The following CALM3 variants were observed in gnomAD, a reference collection of about 807,000 sequenced individuals.
CALM3 encodes calmodulin-3.
CALM3 carries 5 observed loss-of-function variants against 20.1 expected under a neutral mutation model. That is an observed-to-expected ratio of 0.25 (90% CI 0.13 to 0.52). CALM3 has a LOEUF of 0.52. Ranked by LOEUF, CALM3 falls within the 20% of genes least tolerant of loss-of-function variation. The probability of loss-of-function intolerance (pLI) is 0.96; values close to 1 mark genes in which losing one functional copy is unlikely to be tolerated. For synonymous variants in CALM3, 69 were observed against 68.1 expected, an observed-to-expected ratio of 1.01 and a Z score of -0.06; for missense variants, 57 against 192.8, an observed-to-expected ratio of 0.30 and a Z score of 4.17.
chr19:46,607,401 G>GT (rs1460917352), intron 2 of CALM3, among the ~76,000 whole-genome samples: 1 of 152,194 alleles, frequency 6.6e-6, no homozygotes, highest in Non-Finnish European at 1.5e-5. Context: ...CCGGACATCT[G>GT]TTTTTGGAGG....
Position 46,610,182 on chromosome 19 carries a change from C to A in CALM3, c.*1029C>A, listed in dbSNP as rs1971848818. On this transcript the variant is annotated 3_prime_UTR_variant, in exon 6 of 6. Transcript: ENST00000291295. ...ACCTGCAATAAAACAGTCTTGTCGG[C>A]CAGCTGCCCAGGGGACGGCAGCTAC... 1 of 152,646 alleles carries A rather than the reference C, an allele frequency of 6.6e-6. No homozygotes were observed. The highest frequency in any genetic ancestry group is 1.5e-5 in the Non-Finnish European group (1 of 68,070). The allele number at this position is 152,646 out of a possible 1,614,324, so 9.5% of individuals were successfully genotyped here.
Position 46,610,357 on chromosome 19 carries a change from C to A in CALM3, c.*1204C>A, listed in dbSNP as rs1217930678. The A allele has an allele frequency of 1.3e-5, 2 of 152,502 alleles. No individual in the cohort carries two copies. Among genetic ancestry groups the A allele is most frequent in the East Asian group, 3.8e-4 (2 of 5,196 alleles). 9.4% of individuals were successfully genotyped at this position (152,502 alleles called of 1,614,324 possible). A position where few individuals can be genotyped will look rare whatever the true frequency, so the allele number is the denominator to read the frequency against. ...ATACTCCCCCAGCGGAGAGCATGATCCGTGCCCTTGCTTCTGACTTTCGCC... is the reference window on the plus strand; with the variant it reads ...ATACTCCCCCAGCGGAGAGCATGATACGTGCCCTTGCTTCTGACTTTCGCC... On this transcript the variant is annotated 3_prime_UTR_variant, in exon 6 of 6. Transcript: ENST00000291295.
chr19:46,608,063 C>T lies in CALM3; in HGVS notation c.35-134C>T. The stretch of plus-strand genomic sequence containing the variant: ...AGGAGAGAGAGCTGGTTGCGTGGGA[C>T]TTGAAGTCTGTCTCAGTTTCTTTAG... On this transcript the variant is annotated intron_variant, in intron 2 of 5. Transcript: ENST00000291295. This position sits in a 1 kb window ranked among gnomAD's most constrained non-coding sequence, Gnocchi z 5.5. 1.2e-6 allele frequency: 1 copy of T among 805,274 alleles called. No individual in the cohort carries two copies. Among genetic ancestry groups the T allele is most frequent in the Admixed American group, 2.3e-5 (1 of 42,644 alleles). The allele number at this position is 805,274 out of a possible 1,614,324, so 49.9% of individuals were successfully genotyped here. A position where few individuals can be genotyped will look rare whatever the true frequency, so the allele number is the denominator to read the frequency against.
In CALM3 at chr19:46,605,726, G is replaced by A. The variant is rs1224572054; in HGVS notation, c.4-101G>A. 13 of 1,156,154 alleles carry A rather than the reference G, an allele frequency of 1.1e-5. No homozygotes were observed. The highest frequency in any genetic ancestry group is 1.1e-4 in the South Asian group (9 of 80,158). The allele number at this position is 1,156,154 out of a possible 1,614,324, so 71.6% of individuals were successfully genotyped here. A position where few individuals can be genotyped will look rare whatever the true frequency, so the allele number is the denominator to read the frequency against. ...CTCCCTGGCCCGGCGGGAATGGCAC[G>A]TGGAGCTGGCCTCACTGGGGCCGAG... On this transcript the variant is annotated intron_variant, in intron 1 of 5. Transcript: ENST00000291295. The surrounding 1 kb of genome is among the most constrained non-coding windows in gnomAD (Gnocchi z 4.1).
chr19:46,601,508 GGGC>G lies in CALM3; in HGVS notation c.3+73_3+75del. The stretch of plus-strand genomic sequence containing the variant: ...GCTTAACGGGGCAGGACCCCTGAGG[GGGC>G]GACAGAGCCCAGAGTGGGGGGCGTC... On this transcript the variant is annotated intron_variant, in intron 1 of 5. Transcript: ENST00000291295. The surrounding 1 kb of genome is among the most constrained non-coding windows in gnomAD (Gnocchi z 4.2). The G allele has an allele frequency of 7.5e-7, 1 of 1,336,084 alleles. No individual in the cohort carries two copies. The highest frequency in any genetic ancestry group is 1.5e-5 in the African/African-American group (1 of 65,402). The allele number at this position is 1,336,084 out of a possible 1,614,324, so 82.8% of individuals were successfully genotyped here.
Position 46,609,488 on chromosome 19 carries a change from T to G in CALM3, c.*335T>G, listed in dbSNP as rs1311581440. The G allele has an allele frequency of 5.3e-6, 2 of 379,516 alleles. No homozygotes were observed. 23.5% of individuals were successfully genotyped at this position (379,516 alleles called of 1,614,324 possible). A position where few individuals can be genotyped will look rare whatever the true frequency, so the allele number is the denominator to read the frequency against. ...CCAGCCCGGATGGCTCTCCTCCATTTTGGTTTGTTTCCTCTTGTTTGTCAT... is the reference window on the plus strand; with the variant it reads ...CCAGCCCGGATGGCTCTCCTCCATTGTGGTTTGTTTCCTCTTGTTTGTCAT... On this transcript the variant is annotated 3_prime_UTR_variant, in exon 6 of 6. Coordinates refer to ENST00000291295, the MANE Select transcript of CALM3 (RefSeq NM_005184.4).
At position 46,605,975 on chromosome 19, in the gene CALM3, C is replaced by G; in HGVS notation, c.34+118C>G. On this transcript the variant is annotated intron_variant, in intron 2 of 5. Transcript: ENST00000291295. This position sits in a 1 kb window ranked among gnomAD's most constrained non-coding sequence, Gnocchi z 4.1. ...CCTGTGTATCCCTTGTGTCACCTAACACTATGCCTTGTGCCTAGAATGCTG... is the reference window on the plus strand; with the variant it reads ...CCTGTGTATCCCTTGTGTCACCTAAGACTATGCCTTGTGCCTAGAATGCTG... 2.3e-6 allele frequency: 2 copies of G among 887,984 alleles called. No individual in the cohort carries two copies. Among genetic ancestry groups the G allele is most frequent in the Non-Finnish European group, 3.7e-6 (2 of 536,750 alleles). 55.0% of individuals were successfully genotyped at this position (887,984 alleles called of 1,614,324 possible). A position where few individuals can be genotyped will look rare whatever the true frequency, so the allele number is the denominator to read the frequency against.
Position 46,608,452 on chromosome 19 carries a change from A to G in CALM3, c.179-30A>G. On this transcript the variant is annotated intron_variant, in intron 3 of 5. Transcript: ENST00000291295. This position sits in a 1 kb window ranked among gnomAD's most constrained non-coding sequence, Gnocchi z 5.5. ...CGTGTCTCTCAGGGCCCAGGCCAAG[A>G]GCATTCTCCATCCTTTCCCCACCTT... is the stretch of plus-strand genomic sequence containing the variant. The G allele has an allele frequency of 6.2e-7, 1 of 1,610,848 alleles. No homozygotes were observed. The highest frequency in any genetic ancestry group is 1.1e-5 in the South Asian group (1 of 91,014).
chr19:46,603,787 C>T (rs1294485060), intron 1 of CALM3, among the ~76,000 whole-genome samples: 2 of 152,190 alleles, frequency 1.3e-5, no homozygotes, highest in African/African-American at 4.8e-5. Flanking sequence ...GGAGGGAGAG[C>T]ATCTGACAGG....
At chr19:46,604,468 C>A (rs1232748665) in intron 1 of CALM3, among the ~76,000 whole-genome samples, 4 of 152,054 alleles carry the variant, frequency 2.6e-5, no homozygotes, top group African/African-American at 7.2e-5. Flanking sequence ...CTCCCTAAGC[C>A]CTCTCCCCTC....
In CALM3 at chr19:46,608,563, G is replaced by A. The variant is rs1307420144; in HGVS notation, c.260G>A (p.Arg87Gln). The change falls in exon 4 of 6, where the codon CGA (arginine) becomes CAA (glutamine). Residue 87 changes from arginine (R) to glutamine (Q), a missense_variant. By Grantham distance (43) the Arg-to-Gln change is conservative. Transcript: ENST00000291295. This position sits in a 1 kb window ranked among gnomAD's most constrained non-coding sequence, Gnocchi z 5.5. ...MKDTDSEEEI[R>Q]EAFRVFDKDG... ...GACACAGACAGTGAGGAGGAGATCC[G>A]AGAGGCGTTCCGTGTCTTTGACAAG... The A allele has an allele frequency of 1.9e-6, 3 of 1,613,856 alleles. No individual in the cohort carries two copies. The highest frequency in any genetic ancestry group is 2.5e-6 in the Non-Finnish European group (3 of 1,179,852).
At position 46,605,847 on chromosome 19, in the gene CALM3, G is replaced by C. The variant is rs1001080500; in HGVS notation, c.24G>C (p.Glu8Asp). ...TACAGGCTGACCAGCTGACTGAGGAGCAGATTGCAGGTGAGTCTGCTATCC... is the reference window on the plus strand; with the variant it reads ...TACAGGCTGACCAGCTGACTGAGGACCAGATTGCAGGTGAGTCTGCTATCC... MADQLTE[E>D]QIAEFKEAFS... is the part of the protein sequence containing the mutation. The change falls in exon 2 of 6, where the codon GAG becomes GAC. Residue 8 changes from glutamate to aspartate, a missense_variant. Coordinates refer to ENST00000291295, the MANE Select transcript of CALM3 (RefSeq NM_005184.4). The surrounding 1 kb of genome is among the most constrained non-coding windows in gnomAD (Gnocchi z 4.1). 1 of 1,614,128 alleles carries C rather than the reference G, an allele frequency of 6.2e-7. No individual in the cohort carries two copies. Among genetic ancestry groups the C allele is most frequent in the Non-Finnish European group, 8.5e-7 (1 of 1,179,982 alleles).
At position 46,608,048 on chromosome 19, in the gene CALM3, G is replaced by T; in HGVS notation, c.35-149G>T. On this transcript the variant is annotated intron_variant, in intron 2 of 5. Transcript: ENST00000291295. This position sits in a 1 kb window ranked among gnomAD's most constrained non-coding sequence, Gnocchi z 5.5. ...TTGCCCTGAGCACTGAGGAGAGAGA[G>T]CTGGTTGCGTGGGACTTGAAGTCTG... is the stretch of plus-strand genomic sequence containing the variant. The T allele has an allele frequency of 1.4e-6, 1 of 695,378 alleles. No individual in the cohort carries two copies. The allele number at this position is 695,378 out of a possible 1,614,324, so 43.1% of individuals were successfully genotyped here.
intron 1 of CALM3, chr19:46,602,628 C>A: frequency 5.2e-6 from 1 of 194,084 alleles, no homozygotes; most frequent in South Asian, 7.1e-5. Context: ...GACACCGGGG[C>A]AGTGGGAGCA....
At position 46,609,105 on chromosome 19, in the gene CALM3, C is replaced by G. The variant is rs757183576; in HGVS notation, c.422-20C>G. On this transcript the variant is annotated intron_variant, in intron 5 of 5. Transcript: ENST00000291295. ...TTAGCCTGCCCGCCTGACCTCCTCT[C>G]TCTCTGCTTCACTCCACAGAGTTTG... is the stretch of plus-strand genomic sequence containing the variant. The G allele has an allele frequency of 3.7e-6, 6 of 1,614,064 alleles. No homozygotes were observed. The highest frequency in any genetic ancestry group is 4.2e-6 in the Non-Finnish European group (5 of 1,179,992).
chr19:46,609,180 C>A lies in CALM3; in HGVS notation c.*27C>A, dbSNP rs750311120. 2 of 1,612,134 alleles carry A rather than the reference C, an allele frequency of 1.2e-6. No individual in the cohort carries two copies. Among genetic ancestry groups the A allele is most frequent in the Non-Finnish European group, 1.7e-6 (2 of 1,178,788 alleles). On this transcript the variant is annotated 3_prime_UTR_variant, in exon 6 of 6. Transcript: ENST00000291295. ...GGCCCCCCGGGCAGCTGGCGATGCC[C>A]GTTCTCTTGATCTCTCTCTTCTCGC...
At chr19:46,609,023 T>C (rs775140748) in intron 5 of CALM3, 42 bp downstream of exon 5, 1 of 1,607,860 alleles carries the variant, frequency 6.2e-7, no homozygotes, top group African/African-American at 1.3e-5. Flanking sequence ...AAGAAGAGAA[T>C]CGCAGCTTCA....
At chr19:46,606,622 G>A (rs977709258) in intron 2 of CALM3, among the ~76,000 whole-genome samples, 2 of 152,090 alleles carry the variant, frequency 1.3e-5, no homozygotes, top group African/African-American at 4.8e-5. Context: ...TAGGTCCTCC[G>A]CAAACTTTTG....
intron 1 of CALM3, among the ~76,000 whole-genome samples, chr19:46,603,850 A>G (rs1293047720): frequency 6.6e-6 from 1 of 152,206 alleles, no homozygotes; most frequent in Non-Finnish European, 1.5e-5. Context: ...AGAACTGAAC[A>G]TGGCAGTGCC....
Sources: allele counts gnomAD v4.1 joint callset (sites outside exome capture counted in the v4.1 genomes callset), GRCh38; gene constraint gnomAD v4.1.1; non-coding constraint Gnocchi (gnomAD v3.1); transcripts MANE v1.5; gene names NCBI Gene and HGNC (gene_info 2026-07-23, HGNC 2026-07-21).